CCDC91: variants seen among roughly 807,000 people sequenced by gnomAD.
CCDC91 encodes the protein coiled-coil domain-containing protein 91.
Under a neutral mutation model 63.2 loss-of-function variants are expected in CCDC91, and 48 were observed. That is an observed-to-expected ratio of 0.76 (90% confidence interval 0.60 to 0.97). The LOEUF is 0.97. Among genes scored for constraint, CCDC91 ranks in the 50% least tolerant of loss-of-function variants. The probability of loss-of-function intolerance (pLI) is 0.00; values close to 1 mark genes in which losing one functional copy is unlikely to be tolerated. For missense variants in CCDC91, 500 were observed against 494.6 expected, an observed-to-expected ratio of 1.01 and a Z score of -0.10; for synonymous variants, 167 against 165.8, an observed-to-expected ratio of 1.01 and a Z score of -0.06.
chr12:28,400,958 C>T (rs556529237), intron 8 of CCDC91, among the ~76,000 whole-genome samples: 1 of 152,268 alleles, frequency 6.6e-6, no homozygotes, highest in Admixed American at 6.5e-5. Context: ...CCACATCTTC[C>T]TGGCTCCTGA....
intron 1 of CCDC91, among the ~76,000 whole-genome samples, chr12:28,194,860 C>A (rs564443419): frequency 6.6e-6 from 1 of 151,612 alleles, no homozygotes; most frequent in African/African-American, 2.4e-5. Flanking sequence ...CGGAGTTGTT[C>A]GTTCTTCCTG....
chr12:28,197,233 T>C (rs1397420394), intron 1 of CCDC91, among the ~76,000 whole-genome samples: 1 of 152,108 alleles, frequency 6.6e-6, no homozygotes, highest in Non-Finnish European at 1.5e-5. Flanking sequence ...CACCTTAAGG[T>C]AGAATCTTTG....
At chr12:28,247,803 C>T (rs1945853945) in intron 1 of CCDC91, among the ~76,000 whole-genome samples, 1 of 152,126 alleles carries the variant, frequency 6.6e-6, no homozygotes, top group Admixed American at 6.5e-5. Context: ...TGAACTGGAA[C>T]GTTGGGAGAT....
At chr12:28,328,215 C>T (rs934545222) in intron 6 of CCDC91, among the ~76,000 whole-genome samples, 3 of 152,074 alleles carry the variant, frequency 2.0e-5, no homozygotes, top group East Asian at 1.9e-4. Flanking sequence ...ATTTCACCTT[C>T]GATTTCCACA....
In CCDC91 at chr12:28,411,589, A is replaced by G. The variant is rs568628627; in HGVS notation, c.762+20178A>G. 1.2e-3 allele frequency among the ~76,000 whole-genome samples: 183 copies of G among 152,260 alleles called. 3 individuals are homozygous for G. Among genetic ancestry groups the G allele is most frequent in the Non-Finnish European group, 1.9e-3 (128 of 68,014 alleles). On this transcript the variant is annotated intron_variant, in intron 8 of 12. Coordinates refer to ENST00000536442, the MANE Select transcript of CCDC91 (RefSeq NM_018318.5). ...GCACCAGCTTTATACAGAATTTACT[A>G]TGTTTTTACTCTTTCCTTCCTGTAC...
At chr12:28,333,299 G>A (rs1941657405) in intron 6 of CCDC91, among the ~76,000 whole-genome samples, 1 of 151,514 alleles carries the variant, frequency 6.6e-6, no homozygotes, top group Non-Finnish European at 1.5e-5. Flanking sequence ...GGAGGCTGAG[G>A]CAGGAGAATG....
intron 3 of CCDC91, among the ~76,000 whole-genome samples, chr12:28,264,694 C>G (rs1178025220): frequency 4.0e-5 from 6 of 150,532 alleles, no homozygotes; most frequent in Non-Finnish European, 7.4e-5. Context: ...TGTATCATGA[C>G]TTGACCTTGC....
intron 6 of CCDC91, among the ~76,000 whole-genome samples, chr12:28,318,553 T>A (rs1314625206): frequency 6.6e-6 from 1 of 151,836 alleles, no homozygotes; most frequent in African/African-American, 2.4e-5. Context: ...AAAAAATTTC[T>A]TTTTCAATTA....
intron 12 of CCDC91, among the ~76,000 whole-genome samples, chr12:28,502,632 C>T (rs747280773): frequency 6.6e-6 from 1 of 150,974 alleles, no homozygotes; most frequent in African/African-American, 2.4e-5. Context: ...CAAGTCAATC[C>T]TAAGCCAAAA....
chr12:28,335,214 AAT>A (rs1941845910), intron 6 of CCDC91, among the ~76,000 whole-genome samples: 2 of 139,616 alleles, frequency 1.4e-5, no homozygotes, highest in South Asian at 4.3e-4. Flanking sequence ...TATTCATATA[AAT>A]ATGTAGATAA....
chr12:28,371,038 C>T (rs749113859), intron 7 of CCDC91, among the ~76,000 whole-genome samples: 1 of 152,024 alleles, frequency 6.6e-6, no homozygotes, highest in South Asian at 2.1e-4. Context: ...CTGATGGATT[C>T]ACTCTCTTAT....
chr12:28,317,968 C>T (rs1940075268), intron 6 of CCDC91, among the ~76,000 whole-genome samples: 1 of 151,778 alleles, frequency 6.6e-6, no homozygotes, highest in African/African-American at 2.4e-5. Context: ...ACTGTTTCTC[C>T]TCATTCACTA....
intron 8 of CCDC91, among the ~76,000 whole-genome samples, chr12:28,423,839 C>T (rs1948153793): frequency 6.6e-6 from 1 of 152,084 alleles, no homozygotes; most frequent in Admixed American, 6.6e-5. Flanking sequence ...GAAGAGGTAG[C>T]CCCAGTCTAA....
chr12:28,431,895 T>G (rs1458855434), intron 8 of CCDC91, among the ~76,000 whole-genome samples: 1 of 152,054 alleles, frequency 6.6e-6, no homozygotes, highest in African/African-American at 2.4e-5. Context: ...CTAGTCATCC[T>G]TCTCTCCCCT....
At chr12:28,415,894 T>G (rs1268362289) in intron 8 of CCDC91, among the ~76,000 whole-genome samples, 36 of 152,154 alleles carry the variant, frequency 2.4e-4, no homozygotes, top group Non-Finnish European at 1.5e-4. Flanking sequence ...GTTTTGTTCT[T>G]GATATCATTC....
intron 12 of CCDC91, among the ~76,000 whole-genome samples, chr12:28,510,236 C>CGTGTGTGTGTGT (rs567113847): frequency 7.4e-5 from 10 of 135,942 alleles, no homozygotes; most frequent in Non-Finnish European, 1.1e-4. Context: ...GTCAATAGGG[C>CGTGTGTGTGTGT]ATGTGTGTGT....
At chr12:28,365,226 A>G (rs1944196669) in intron 7 of CCDC91, among the ~76,000 whole-genome samples, 1 of 152,208 alleles carries the variant, frequency 6.6e-6, no homozygotes, top group Admixed American at 6.5e-5. Flanking sequence ...TAAAATGAGT[A>G]GCTCTTAACC....
intron 7 of CCDC91, among the ~76,000 whole-genome samples, chr12:28,368,700 A>G (rs1355713139): frequency 2.0e-5 from 3 of 152,180 alleles, no homozygotes; most frequent in African/African-American, 7.2e-5. Flanking sequence ...TGTTATAAAG[A>G]ACTACTAGAG....
intron 6 of CCDC91, among the ~76,000 whole-genome samples, chr12:28,320,385 C>CT (rs1269338026): frequency 3.3e-5 from 5 of 150,710 alleles, no homozygotes; most frequent in East Asian, 1.9e-4. Flanking sequence ...TGAGTTTTTT[C>CT]TTTTTTTTTA....
Sources: allele counts gnomAD v4.1 joint callset (sites outside exome capture counted in the v4.1 genomes callset), GRCh38; gene constraint gnomAD v4.1.1; transcripts MANE v1.5; gene names NCBI Gene and HGNC (gene_info 2026-07-23, HGNC 2026-07-21).